The following RRM2 variants were observed in gnomAD, a reference collection of about 807,000 sequenced individuals.
RRM2 encodes the protein ribonucleoside-diphosphate reductase subunit M2.
RRM2 carries 6 observed loss-of-function variants against 45.9 expected under a neutral mutation model. That is an observed-to-expected ratio of 0.13 (90% confidence interval 0.07 to 0.26). The LOEUF is 0.26. RRM2 is among the 10% of genes least tolerant of loss of function. RRM2 has a pLI of 1.00. For missense variants in RRM2, 343 were observed against 489.5 expected (o/e 0.70, Z 2.82); for synonymous variants, 177 against 173.0 (o/e 1.02, Z -0.18).
At chr2:10,159,515 A>T (rs1211138310) in intron 3 of RRM2, among the ~76,000 whole-genome samples, 1 of 152,176 alleles carries the variant, frequency 6.6e-6, no homozygotes, top group African/African-American at 2.4e-5. Flanking sequence ...CCCAGATCAG[A>T]CACAGGGTCT....
rs117269247 is a variant in RRM2, at chr2:10,201,550, C to T, written n.483-8761C>T. Among the ~76,000 whole-genome samples the T allele has an allele frequency of 8.5e-5, 13 of 152,280 alleles. No homozygotes were observed. In the East Asian group the frequency reaches 1.9e-3, roughly 23 times the overall value. The stretch of plus-strand genomic sequence containing the variant: ...CACAATCTGCAAAGTTATCAGAAAC[C>T]TGCATTCAAGAGCACCTGTCAGAAC... On this transcript the variant is annotated intron_variant and non_coding_transcript_variant, in intron 3 of 3. Coordinates refer to the RRM2 transcript ENST00000381786.
At chr2:10,175,161 C>T (rs1250193943) in intron 3 of RRM2, among the ~76,000 whole-genome samples, 1 of 152,250 alleles carries the variant, frequency 6.6e-6, no homozygotes, top group African/African-American at 2.4e-5. Flanking sequence ...GCATACTCTG[C>T]ACCGACCACC....
intron 1 of RRM2, chr2:10,141,778 C>T (rs1434382935): frequency 4.5e-6 from 7 of 1,540,462 alleles, no homozygotes; most frequent in Non-Finnish European, 6.1e-6. Context: ...TGGCCATGGC[C>T]TGGGGCTGGG....
intron 3 of RRM2, among the ~76,000 whole-genome samples, chr2:10,164,637 G>A (rs1663643112): frequency 6.6e-6 from 1 of 152,210 alleles, no homozygotes; most frequent in South Asian, 2.1e-4. Context: ...GGGTAGAAGA[G>A]ACAGAAACTT....
chr2:10,182,404 C>G (rs1245670666), intron 3 of RRM2, among the ~76,000 whole-genome samples: 3 of 152,032 alleles, frequency 2.0e-5, no homozygotes, highest in Non-Finnish European at 4.4e-5. Flanking sequence ...AAAAACAAAA[C>G]TATGAACTAG....
chr2:10,206,147 G>A (rs912360442), intron 3 of RRM2, among the ~76,000 whole-genome samples: 2 of 151,750 alleles, frequency 1.3e-5, no homozygotes, highest in African/African-American at 4.8e-5. Context: ...TCAGGAGGCT[G>A]AGGCAGGAGA....
rs189496578 is a variant in RRM2 at position 10,175,489 on chromosome 2, A to T, written n.482+33114A>T. On this transcript the variant is annotated intron_variant and non_coding_transcript_variant, in intron 3 of 3. Coordinates refer to the RRM2 transcript ENST00000381786. The stretch of plus-strand genomic sequence containing the variant: ...GCCATCCGTCTGTAGAACTCTTTTC[A>T]TCTTGGAAAACTAAACTCCATACTC... 2.0e-5 allele frequency among the ~76,000 whole-genome samples: 3 copies of T among 152,308 alleles called. No individual in the cohort carries two copies. The East Asian group carries it at 5.8e-4, about 29-fold the overall frequency.
chr2:10,157,450 A>G (rs999259063), intron 3 of RRM2, among the ~76,000 whole-genome samples: 1 of 152,168 alleles, frequency 6.6e-6, no homozygotes, highest in Non-Finnish European at 1.5e-5. Flanking sequence ...CCAGATGGAG[A>G]AAGAGAACAT....
downstream of RRM2, among the ~76,000 whole-genome samples, chr2:10,135,877 C>T (rs140292094): frequency 6.6e-6 from 1 of 152,222 alleles, no homozygotes; most frequent in Non-Finnish European, 1.5e-5. Context: ...CCCTGCCTCC[C>T]CAGGGACTGA....
At chr2:10,147,701 A>G (rs1225390241) in intron 3 of RRM2, among the ~76,000 whole-genome samples, 1 of 152,238 alleles carries the variant, frequency 6.6e-6, no homozygotes, top group African/African-American at 2.4e-5. Context: ...AAAAACACTT[A>G]TGAAAAGTGT....
In RRM2 at chr2:10,129,371, G is replaced by C; in HGVS notation, c.1155G>C (p.Leu385Phe). The change falls in exon 10 of 10, where the codon TTG becomes TTC. Residue 385 changes from leucine (L) to phenylalanine (F), a missense_variant. Coordinates refer to ENST00000304567, the MANE Select transcript of RRM2 (RefSeq NM_001034.4). This position sits in a 1 kb window ranked among gnomAD's most constrained non-coding sequence, Gnocchi z 4.8. ...MSSPTENSFT[L>F]DADF is the part of the protein sequence containing the mutation. ...GTCCAACAGAGAATTCTTTTACCTT[G>C]GATGCTGACTTCTAAATGAACTGAA... 6.2e-7 allele frequency: 1 copy of C among 1,610,642 alleles called. No individual in the cohort carries two copies. Among genetic ancestry groups the C allele is most frequent in the Non-Finnish European group, 8.5e-7 (1 of 1,179,034 alleles).
chr2:10,126,189 AAAAGCTGCCCAAT>A (rs1430518510), intron 5 of RRM2, among the ~76,000 whole-genome samples: 5 of 17,110 alleles, frequency 2.9e-4, no homozygotes, highest in Non-Finnish European at 7.7e-4. Flanking sequence ...AAAAAAAAAA[AAAAGCTGCCCAAT>A]GTCTGGTGCC....
chr2:10,138,469 T>G (rs1275388505), upstream of RRM2, among the ~76,000 whole-genome samples: 1 of 151,858 alleles, frequency 6.6e-6, no homozygotes, highest in Non-Finnish European at 1.5e-5. Flanking sequence ...GCCTGGCCAA[T>G]TTTTGTATTT....
chr2:10,184,020 G>A (rs911807806), intron 3 of RRM2, among the ~76,000 whole-genome samples: 62 of 143,938 alleles, frequency 4.3e-4, no homozygotes, highest in African/African-American at 1.5e-3. Context: ...GTGAACCCAG[G>A]AGGTGGAGCT....
In RRM2 at chr2:10,127,380, C is replaced by A. The variant is rs1662801815; in HGVS notation, c.798+160C>A. The A allele has an allele frequency of 1.5e-6, 1 of 685,542 alleles. No homozygotes were observed. The highest frequency in any genetic ancestry group is 2.4e-6 in the Non-Finnish European group (1 of 416,610). The allele number at this position is 685,542 out of a possible 1,614,324, so 42.5% of individuals were successfully genotyped here. A position where few individuals can be genotyped will look rare whatever the true frequency, so the allele number is the denominator to read the frequency against. On this transcript the variant is annotated intron_variant, in intron 7 of 9. Coordinates refer to ENST00000304567, the MANE Select transcript of RRM2 (RefSeq NM_001034.4). This position sits in a 1 kb window ranked among gnomAD's most constrained non-coding sequence, Gnocchi z 4.1. ...ACTTGACAAAAGAAGGAAATACTTT[C>A]ATTTACTGAAACTGTTTTACTTGCA...
chr2:10,189,928 A>T (rs111663114), intron 3 of RRM2, among the ~76,000 whole-genome samples: 6,323 of 152,068 alleles, frequency 0.042, 459 homozygotes, highest in African/African-American at 0.14. Context: ...TGGTGAATGG[A>T]GATGATGGTG....
chr2:10,189,482 C>T (rs1332552888), intron 3 of RRM2, among the ~76,000 whole-genome samples: 1 of 152,234 alleles, frequency 6.6e-6, no homozygotes, highest in Non-Finnish European at 1.5e-5. Context: ...GGCATCAGCT[C>T]AGCCTGGGCC....
intron 3 of RRM2, among the ~76,000 whole-genome samples, chr2:10,193,473 A>G (rs563038294): frequency 3.3e-5 from 5 of 152,198 alleles, no homozygotes; most frequent in Non-Finnish European, 7.4e-5. Context: ...CTGTCCCTCC[A>G]TTCTGCCCAC....
At chr2:10,210,253 G>A (rs1664734195) in intron 3 of RRM2, 10 of 1,195,394 alleles carry the variant, frequency 8.4e-6, no homozygotes, top group Non-Finnish European at 1.0e-5. Flanking sequence ...GTGAATTTGG[G>A]GGCATGGGTT....
Sources: gnomAD v4.1 joint callset for allele counts (sites outside exome capture counted in the v4.1 genomes callset) on GRCh38, gnomAD v4.1.1 for gene constraint, Gnocchi (gnomAD v3.1) non-coding constraint, MANE v1.5 for transcripts, NCBI Gene and HGNC (gene_info 2026-07-23, HGNC 2026-07-21) for gene names.